ZEB1: variants seen among roughly 807,000 people sequenced by gnomAD.
The protein encoded by ZEB1 is zinc finger E-box-binding homeobox 1.
A neutral mutation model predicts 84.9 loss-of-function variants in ZEB1; 21 were observed. That is an observed-to-expected ratio of 0.25 (90% confidence interval 0.18 to 0.36). ZEB1 has a LOEUF of 0.36. ZEB1 is among the 10% of genes least tolerant of loss of function. ZEB1 has a pLI of 1.00. For synonymous variants in ZEB1, 420 were observed against 471.1 expected, an observed-to-expected ratio of 0.89 and a Z score of 1.41; for missense variants, 1,104 against 1,330.2, an observed-to-expected ratio of 0.83 and a Z score of 2.65.
intron 1 of ZEB1, among the ~76,000 whole-genome samples, chr10:31,393,717 A>G (rs1158225740): frequency 6.6e-6 from 1 of 152,210 alleles, no homozygotes; most frequent in Non-Finnish European, 1.5e-5. Context: ...TTTTATTACC[A>G]TAGATATTGT....
chr10:31,440,994 T>C lies in ZEB1; in HGVS notation c.59-20043T>C, dbSNP rs529319325. On this transcript the variant is annotated intron_variant, in intron 1 of 8. Transcript: ENST00000424869. ...TGGCCATACTGCCCAAGGTAATTTA[T>C]AGATTCAATGCCATCCCCATCAAGC... 5.8e-4 allele frequency among the ~76,000 whole-genome samples: 88 copies of C among 152,094 alleles called. 1 individual carries two copies. The highest frequency in any genetic ancestry group is 1.2e-3 in the Admixed American group (18 of 15,256).
Position 31,461,100 on chromosome 10 carries a change from T to G in ZEB1, c.122T>G (p.Ile41Ser). 6.2e-7 allele frequency: 1 copy of G among 1,613,502 alleles called. No homozygotes were observed. Among genetic ancestry groups the G allele is most frequent in the South Asian group, 1.1e-5 (1 of 91,056 alleles). ...TCAGATGATGAAGACAAACTGCATA[T>G]TGTGGAAGAAGAAAGTGTTACAGAT... The part of the protein sequence containing the change: ...SDSDDEDKLH[I>S]VEEESVTDAA... Residue 41 changes from isoleucine (I) to serine (S), a missense_variant, in exon 2 of 9, where the codon ATT becomes AGT. Around this residue, in one of 7 missense-constraint regions of ZEB1, gnomAD observed 162 missense variants for 184.5 expected, o/e 0.88. Coordinates refer to ENST00000424869, the MANE Select transcript of ZEB1 (RefSeq NM_001174096.2).
intron 1 of ZEB1, among the ~76,000 whole-genome samples, chr10:31,326,648 C>T (rs1026698444): frequency 4.6e-5 from 7 of 151,990 alleles, no homozygotes; most frequent in African/African-American, 9.7e-5. Context: ...GTTCCTAGTT[C>T]GGTATTCTTT....
chr10:31,355,259 G>C (rs1172166631), intron 1 of ZEB1: 1 of 152,096 alleles, frequency 6.6e-6, no homozygotes, highest in Non-Finnish European at 1.5e-5. Flanking sequence ...TCATGAACCA[G>C]GTCTTCAGGA....
At chr10:31,424,399 A>G (rs766237729) in intron 1 of ZEB1, among the ~76,000 whole-genome samples, 5 of 152,060 alleles carry the variant, frequency 3.3e-5, no homozygotes, top group Non-Finnish European at 7.4e-5. Context: ...TTAAGCTGCT[A>G]TATTTAAATG....
chr10:31,521,061 G>C lies in ZEB1; in HGVS notation c.1729G>C (p.Ala577Pro). The C allele has an allele frequency of 6.2e-7, 1 of 1,614,038 alleles. No homozygotes were observed. The highest frequency in any genetic ancestry group is 1.1e-5 in the South Asian group (1 of 91,080). ...AEKPESSVSS[A>P]TGDGNLSPSQ... Reference sequence around the variant, plus strand: ...GAAGCCTGAGTCCTCTGTTTCATCAGCTACTGGAGATGGCAATTTGTCTCC... The same window carrying C: ...GAAGCCTGAGTCCTCTGTTTCATCACCTACTGGAGATGGCAATTTGTCTCC... The change falls in exon 7 of 9, where the codon GCT becomes CCT. Residue 577 changes from alanine to proline, a missense_variant. Around this residue, in one of 7 missense-constraint regions of ZEB1, gnomAD observed 531 missense variants for 575.2 expected, o/e 0.92. Coordinates refer to ENST00000424869, the MANE Select transcript of ZEB1 (RefSeq NM_001174096.2).
At chr10:31,507,941 A>G (rs2069263310) in intron 4 of ZEB1, among the ~76,000 whole-genome samples, 3 of 152,096 alleles carry the variant, frequency 2.0e-5, no homozygotes, top group South Asian at 2.1e-4. Context: ...CATCTGGTAT[A>G]ATAGTCAATT....
intron 1 of ZEB1, among the ~76,000 whole-genome samples, chr10:31,391,369 C>T (rs1564693071): frequency 2.6e-5 from 4 of 151,510 alleles, no homozygotes; most frequent in Admixed American, 2.6e-4. Context: ...TCAAATATAG[C>T]TTTCGGTATA....
chr10:31,319,042 C>G (rs1401435122), upstream of ZEB1: 1 of 637,730 alleles, frequency 1.6e-6, no homozygotes, highest in Non-Finnish European at 2.9e-6. Flanking sequence ...CCGCAAACCG[C>G]CCGGTCCCTA....
At chr10:31,500,371 A>G (rs1449430155) in intron 3 of ZEB1, among the ~76,000 whole-genome samples, 2 of 152,140 alleles carry the variant, frequency 1.3e-5, no homozygotes, top group East Asian at 3.9e-4. Context: ...CTGAAAAGCA[A>G]TGAATTTTTA....
intron 1 of ZEB1, among the ~76,000 whole-genome samples, chr10:31,444,045 C>A (rs1448008498): frequency 1.3e-5 from 2 of 150,522 alleles, no homozygotes; most frequent in South Asian, 2.1e-4. Context: ...TAAAAGTGTT[C>A]CTATTTCTCC....
chr10:31,440,119 A>AC (rs2058745000), intron 1 of ZEB1, among the ~76,000 whole-genome samples: 1 of 152,130 alleles, frequency 6.6e-6, no homozygotes, highest in African/African-American at 2.4e-5. Context: ...CTTCCAGAGT[A>AC]GATGCATGGG....
chr10:31,453,179 A>T (rs531790921), intron 1 of ZEB1, among the ~76,000 whole-genome samples: 6 of 152,182 alleles, frequency 3.9e-5, no homozygotes, highest in Non-Finnish European at 7.4e-5. Context: ...GCATAACATA[A>T]TAAGGGTGTC....
chr10:31,414,192 T>G (rs1455727141), intron 1 of ZEB1, among the ~76,000 whole-genome samples: 1 of 152,236 alleles, frequency 6.6e-6, no homozygotes, highest in Non-Finnish European at 1.5e-5. Context: ...TAAGTTAATG[T>G]GTAAAAGCAC....
At chr10:31,493,344 C>A (rs182042579) in intron 2 of ZEB1, among the ~76,000 whole-genome samples, 12 of 151,876 alleles carry the variant, frequency 7.9e-5, no homozygotes, top group African/African-American at 2.9e-4. Flanking sequence ...TTTAGCCCAC[C>A]TTTTTCCATT....
intron 1 of ZEB1, chr10:31,361,042 A>G (rs1309965782): frequency 3.1e-6 from 5 of 1,610,892 alleles, no homozygotes; most frequent in Non-Finnish European, 3.4e-6. Flanking sequence ...TTTGGAAGGG[A>G]TTCTGATACT....
chr10:31,399,797 G>A (rs951793953), intron 1 of ZEB1, among the ~76,000 whole-genome samples: 1 of 152,072 alleles, frequency 6.6e-6, no homozygotes, highest in African/African-American at 2.4e-5. Context: ...TGTGCTCTGG[G>A]CTGTCATTCC....
chr10:31,525,664 A>C (rs544240348), intron 8 of ZEB1, among the ~76,000 whole-genome samples: 5 of 152,284 alleles, frequency 3.3e-5, no homozygotes, highest in East Asian at 1.9e-4. Flanking sequence ...TAACTGTTTC[A>C]GTGTATTTTT....
chr10:31,504,934 A>C (rs961577207), intron 4 of ZEB1, among the ~76,000 whole-genome samples: 15 of 151,998 alleles, frequency 9.9e-5, no homozygotes, highest in Admixed American at 9.8e-4. Context: ...GATGGCTTTT[A>C]TTTCTTTCTC....
Sources: allele counts gnomAD v4.1 joint callset (sites outside exome capture counted in the v4.1 genomes callset), GRCh38; gene constraint gnomAD v4.1.1; regional missense constraint gnomAD v4.1.1; transcripts MANE v1.5; gene names NCBI Gene and HGNC (gene_info 2026-07-23, HGNC 2026-07-21).